The following SLC19A3 variants were observed in gnomAD, a reference collection of about 807,000 sequenced individuals.
The protein encoded by SLC19A3 is thiamine transporter 2.
A neutral mutation model predicts 40.2 loss-of-function variants in SLC19A3; 31 were observed. The observed-to-expected ratio is 0.77, with a 90% CI of 0.58 to 1.04. SLC19A3 has a LOEUF of 1.04. Ranked by LOEUF, SLC19A3 falls within the 50% of genes least tolerant of loss-of-function variation. The pLI is 0.00. For synonymous variants in SLC19A3, 212 were observed against 227.5 expected (o/e 0.93, Z 0.61); for missense variants, 592 against 596.7 (o/e 0.99, Z 0.08).
At chr2:227,712,916 G>A (rs1368041771) in intron 1 of SLC19A3, among the ~76,000 whole-genome samples, 1 of 151,670 alleles carries the variant, frequency 6.6e-6, no homozygotes, top group Admixed American at 6.6e-5. Context: ...GGGAGGTAGG[G>A]AAGAGAGTGA....
chr2:227,701,908 TCTC>T lies in SLC19A3; in HGVS notation c.150+258_150+260del, dbSNP rs1403233138. 9.7e-6 allele frequency: 4 copies of T among 412,702 alleles called. No individual in the cohort carries two copies. The East Asian group carries it at 2.0e-4, about 21-fold the overall frequency. The allele number at this position is 412,702 out of a possible 1,614,324, so 25.6% of individuals were successfully genotyped here. A position where few individuals can be genotyped will look rare whatever the true frequency, so the allele number is the denominator to read the frequency against. ...AATAGAATCAACGGAGACCTGAAAG[TCTC>T]CTATCATTAACACAAATGTTAGGAC... On this transcript the variant is annotated intron_variant, in intron 2 of 5. Coordinates refer to ENST00000644224, the MANE Select transcript of SLC19A3 (RefSeq NM_025243.4).
chr2:227,702,369 A>G (rs369345405), intron 1 of SLC19A3, 49 bp from the exon 2 acceptor site: 1 of 1,589,996 alleles, frequency 6.3e-7, no homozygotes, highest in Non-Finnish European at 8.6e-7. Flanking sequence ...TATTCTTTTT[A>G]GCATCCTTGA....
At chr2:227,690,676 C>T (rs984249750) in intron 4 of SLC19A3, among the ~76,000 whole-genome samples, 1 of 119,236 alleles carries the variant, frequency 8.4e-6, no homozygotes, top group Non-Finnish European at 1.6e-5. Context: ...CACTGCACTC[C>T]AGCCTGGGTG....
chr2:227,693,010 A>G (rs1486160977), intron 4 of SLC19A3, among the ~76,000 whole-genome samples: 1 of 152,186 alleles, frequency 6.6e-6, no homozygotes, highest in East Asian at 1.9e-4. Flanking sequence ...TTTGCAATGA[A>G]AACTATAAAA....
In SLC19A3 at chr2:227,717,972, C is replaced by A. The variant is rs527294582; in HGVS notation, c.-32G>T. ...AGAAGGGAGTGTCTGTTCACCAAAT[C>A]GCTCACTTGCCGCACGACCACGCAC... On this transcript the variant is annotated 5_prime_UTR_variant, in exon 1 of 6. Coordinates refer to ENST00000644224, the MANE Select transcript of SLC19A3 (RefSeq NM_025243.4). 4 of 985,432 alleles carry A rather than the reference C, an allele frequency of 4.1e-6. No individual in the cohort carries two copies. The highest frequency in any genetic ancestry group is 5.2e-4 in the Middle Eastern group (1 of 1,914). The allele number at this position is 985,432 out of a possible 1,614,324, so 61.0% of individuals were successfully genotyped here.
intron 1 of SLC19A3, among the ~76,000 whole-genome samples, chr2:227,711,422 A>AAAAAAAAAAT (rs1553575206): frequency 1.4e-5 from 2 of 143,658 alleles, no homozygotes; most frequent in African/African-American, 5.1e-5. Context: ...TCTGTCTCAA[A>AAAAAAAAAAT]AAAATAAAAT....
At chr2:227,713,809 CAA>C (rs1696232724) in intron 1 of SLC19A3, among the ~76,000 whole-genome samples, 1 of 148,346 alleles carries the variant, frequency 6.7e-6, no homozygotes. Flanking sequence ...AAAAAAACAA[CAA>C]AACAAATCAC....
At chr2:227,707,704 C>T (rs2106338588) in intron 1 of SLC19A3, among the ~76,000 whole-genome samples, 1 of 152,120 alleles carries the variant, frequency 6.6e-6, no homozygotes, top group Non-Finnish European at 1.5e-5. Flanking sequence ...CTTCAGTTCT[C>T]TACTGTTTGG....
intron 1 of SLC19A3, among the ~76,000 whole-genome samples, chr2:227,704,956 C>T (rs1027103206): frequency 2.0e-5 from 3 of 152,052 alleles, no homozygotes; most frequent in African/African-American, 7.2e-5. Context: ...TTTCAGCTCA[C>T]TGCAACCTCC....
At chr2:227,688,343 T>C (rs1469899853) in intron 4 of SLC19A3, 36 bp from the exon 5 acceptor site, 1 of 1,595,616 alleles carries the variant, frequency 6.3e-7, no homozygotes, top group East Asian at 2.2e-5. Context: ...TTAACTATAA[T>C]ATACATGGAT....
In SLC19A3 at chr2:227,698,796, C is replaced by T. The variant is rs377204541; in HGVS notation, c.919G>A (p.Ala307Thr). The change falls in exon 3 of 6, where the codon GCG (alanine) becomes ACG (threonine). Residue 307 changes from alanine to threonine, a missense_variant. Physicochemically the swap from Ala to Thr is moderately conservative, Grantham distance 58. Coordinates refer to ENST00000644224, the MANE Select transcript of SLC19A3 (RefSeq NM_025243.4). ...TAGATGGAAGAATCTTGGGATGGCG[C>T]CTTGTAATCCCACAGGATTTGAACA... Reference protein sequence around the residue: ...NYVQILWDYKAPSQDSSIYNG... With the variant: ...NYVQILWDYKTPSQDSSIYNG... 1 of 1,614,174 alleles carries T rather than the reference C, an allele frequency of 6.2e-7. No individual in the cohort carries two copies. Among genetic ancestry groups the T allele is most frequent in the South Asian group, 1.1e-5 (1 of 91,078 alleles).
At position 227,687,588 on chromosome 2, in the gene SLC19A3, ATAAT is replaced by A; in HGVS notation, c.1315-19_1315-16del. ...TAAACTAAAAACTGGAGAAAAACAA[ATAAT>A]TAGCCACATATAAAATATGACCATC... is the stretch of plus-strand genomic sequence containing the variant. On this transcript the variant is annotated splice_polypyrimidine_tract_variant and intron_variant, in intron 5 of 5. Coordinates refer to ENST00000644224, the MANE Select transcript of SLC19A3 (RefSeq NM_025243.4). The A allele has an allele frequency of 6.2e-7, 1 of 1,611,862 alleles. No individual in the cohort carries two copies. Among genetic ancestry groups the A allele is most frequent in the Non-Finnish European group, 8.5e-7 (1 of 1,178,526 alleles).
chr2:227,712,592 C>G (rs11681613), intron 1 of SLC19A3, among the ~76,000 whole-genome samples: 1 of 152,032 alleles, frequency 6.6e-6, no homozygotes, highest in South Asian at 2.1e-4. Context: ...TGTAAAATGG[C>G]ACCAACCCTT....
intron 1 of SLC19A3, among the ~76,000 whole-genome samples, chr2:227,713,002 A>G (rs933394822): frequency 6.6e-6 from 1 of 152,168 alleles, no homozygotes; most frequent in Non-Finnish European, 1.5e-5. Flanking sequence ...GATTACAAAC[A>G]TTTGTCCAAA....
At position 227,687,367 on chromosome 2, in the gene SLC19A3, A is replaced by G; in HGVS notation, c.*30T>C. 1 of 1,576,794 alleles carries G rather than the reference A, an allele frequency of 6.3e-7. No homozygotes were observed. Among genetic ancestry groups the G allele is most frequent in the African/African-American group, 1.4e-5 (1 of 73,480 alleles). The stretch of plus-strand genomic sequence containing the variant: ...CTTTCCTTATTATTGCATAACTTTG[A>G]AAGCCACTGTTGCGTTTGTTGCGAT... On this transcript the variant is annotated 3_prime_UTR_variant, in exon 6 of 6. Coordinates refer to ENST00000644224, the MANE Select transcript of SLC19A3 (RefSeq NM_025243.4).
chr2:227,705,117 A>G (rs2106335777), intron 1 of SLC19A3, among the ~76,000 whole-genome samples: 1 of 152,088 alleles, frequency 6.6e-6, no homozygotes, highest in African/African-American at 2.4e-5. Flanking sequence ...ACCTCAGGTG[A>G]TCCGCCCGCC....
chr2:227,698,389 C>T (rs1485473364), intron 3 of SLC19A3, among the ~76,000 whole-genome samples: 1 of 151,918 alleles, frequency 6.6e-6, no homozygotes, highest in East Asian at 2.0e-4. Context: ...TCTCCATCTC[C>T]TGTCCTCGTG....
Position 227,703,969 on chromosome 2 carries a change from G to A in SLC19A3, c.-2-1649C>T, listed in dbSNP as rs1396836178. ...ACAGCTGTCCAAATCGATTTAGTTGGGATGGTCAAGCAGAAAAAAACCTAT... is the reference window on the plus strand; with the variant it reads ...ACAGCTGTCCAAATCGATTTAGTTGAGATGGTCAAGCAGAAAAAAACCTAT... On this transcript the variant is annotated intron_variant, in intron 1 of 5. Transcript: ENST00000644224. The surrounding 1 kb of genome is among the most constrained non-coding windows in gnomAD (Gnocchi z 4.7). Among the ~76,000 whole-genome samples, 4 of 51,898 alleles carry A rather than the reference G, an allele frequency of 7.7e-5. No individual in the cohort carries two copies. Among genetic ancestry groups the A allele is most frequent in the Non-Finnish European group, 1.6e-4 (4 of 24,634 alleles). The allele number at this position is 51,898 out of a possible 152,430, so 34.0% of individuals were successfully genotyped here. A position where few individuals can be genotyped will look rare whatever the true frequency, so the allele number is the denominator to read the frequency against.
At chr2:227,698,677 G>A (rs1182800380) in intron 3 of SLC19A3, 59 bp downstream of exon 3, 1 of 1,441,304 alleles carries the variant, frequency 6.9e-7, no homozygotes, top group Non-Finnish European at 9.8e-7. Context: ...TTCGGTACCT[G>A]GAGGAATGGA....
Sources: gnomAD v4.1 joint callset for allele counts (sites outside exome capture counted in the v4.1 genomes callset) on GRCh38, gnomAD v4.1.1 for gene constraint, Gnocchi (gnomAD v3.1) non-coding constraint, MANE v1.5 for transcripts, NCBI Gene and HGNC (gene_info 2026-07-23, HGNC 2026-07-21) for gene names.